Variants in LSM4 observed in about 807,000 individuals in gnomAD.
The protein encoded by LSM4 is LSM4 homolog, U6 small nuclear RNA and mRNA degradation associated, also known as U6 snRNA-associated Sm-like protein LSm4.
A neutral mutation model predicts 22.3 loss-of-function variants in LSM4; 15 were observed. The observed-to-expected ratio is 0.67, with a 90% CI of 0.45 to 1.03. LSM4 has a LOEUF of 1.03. Ranked by LOEUF, LSM4 falls within the 50% of genes least tolerant of loss-of-function variation. LSM4 has a pLI of 0.00. For missense variants in LSM4, 127 were observed against 198.0 expected, an observed-to-expected ratio of 0.64 and a Z score of 2.15; for synonymous variants, 90 against 79.8, an observed-to-expected ratio of 1.13 and a Z score of -0.68.
chr19:18,312,722 G>C lies in LSM4; in HGVS notation c.46-20C>G. ...CACCAACTAGAAGAGAGACAGGCTA[G>C]AGGTTGGCTGTAGCCCTGGAGCCCT... On this transcript the variant is annotated intron_variant, in intron 2 of 4. Transcript: ENST00000593829. 6.3e-7 allele frequency: 1 copy of C among 1,588,200 alleles called. No homozygotes were observed. Among genetic ancestry groups the C allele is most frequent in the Non-Finnish European group, 8.6e-7 (1 of 1,156,650 alleles).
chr19:18,314,278 T>A (rs1204694197), intron 2 of LSM4, among the ~76,000 whole-genome samples: 1 of 151,504 alleles, frequency 6.6e-6, no homozygotes, highest in Non-Finnish European at 1.5e-5. Context: ...CCCAGCACTT[T>A]GGGAGGCCGA....
intron 1 of LSM4, among the ~76,000 whole-genome samples, chr19:18,318,304 C>A (rs1163911888): frequency 6.6e-6 from 1 of 152,218 alleles, no homozygotes; most frequent in Non-Finnish European, 1.5e-5. Flanking sequence ...TCCTACATCC[C>A]ACAGCCCCTT....
intron 1 of LSM4, among the ~76,000 whole-genome samples, chr19:18,320,756 A>G (rs989508773): frequency 6.6e-6 from 1 of 152,192 alleles, no homozygotes; most frequent in Non-Finnish European, 1.5e-5. Flanking sequence ...AGATTACACC[A>G]CTGCACTTCA....
intron 1 of LSM4, among the ~76,000 whole-genome samples, chr19:18,318,021 C>T (rs1466333888): frequency 2.6e-5 from 4 of 152,162 alleles, no homozygotes; most frequent in Non-Finnish European, 5.9e-5. Context: ...TCTAGTACTG[C>T]CATGAGGAAG....
intron 1 of LSM4, among the ~76,000 whole-genome samples, chr19:18,320,563 C>A (rs149068426): frequency 0.018 from 2,742 of 152,214 alleles, 91 homozygotes; most frequent in African/African-American, 0.061. Flanking sequence ...CTTTGAGAGG[C>A]CGAGGTGGGT....
chr19:18,313,995 T>C (rs1970325230), intron 2 of LSM4, among the ~76,000 whole-genome samples: 1 of 152,006 alleles, frequency 6.6e-6, no homozygotes, highest in East Asian at 1.9e-4. Flanking sequence ...AATTTTTTAG[T>C]AGAGACGGGG....
intron 1 of LSM4, among the ~76,000 whole-genome samples, chr19:18,321,395 G>T (rs906797951): frequency 6.6e-6 from 1 of 152,164 alleles, no homozygotes; most frequent in Admixed American, 6.5e-5. Flanking sequence ...GGGAAATTAT[G>T]ACAGTGAAAA....
At chr19:18,312,907 G>A (rs780314251) in intron 2 of LSM4, among the ~76,000 whole-genome samples, 7 of 152,136 alleles carry the variant, frequency 4.6e-5, no homozygotes, top group African/African-American at 1.4e-4. Flanking sequence ...CTATCATGAC[G>A]CCAACCTTTG....
intron 2 of LSM4, among the ~76,000 whole-genome samples, chr19:18,315,692 C>A (rs1970346518): frequency 6.6e-6 from 1 of 151,994 alleles, no homozygotes; most frequent in Non-Finnish European, 1.5e-5. Context: ...TAGGCACACA[C>A]CACCTCATCT....
At chr19:18,322,459 T>G (rs536745349) in intron 1 of LSM4, among the ~76,000 whole-genome samples, 1 of 152,148 alleles carries the variant, frequency 6.6e-6, no homozygotes, top group Admixed American at 6.6e-5. Context: ...AACGCCCCCT[T>G]CCGCTGGAAT....
intron 2 of LSM4, among the ~76,000 whole-genome samples, chr19:18,313,729 T>C (rs1600167623): frequency 6.6e-6 from 1 of 152,230 alleles, no homozygotes; most frequent in African/African-American, 2.4e-5. Context: ...TTGCCCAGAC[T>C]GGTCCCAAAC....
chr19:18,321,848 G>C (rs1418903552), intron 1 of LSM4, among the ~76,000 whole-genome samples: 1 of 151,926 alleles, frequency 6.6e-6, no homozygotes, highest in Non-Finnish European at 1.5e-5. Context: ...CAACACTCCC[G>C]TCGATGACTC....
chr19:18,321,647 C>T (rs1970425229), intron 1 of LSM4, among the ~76,000 whole-genome samples: 1 of 152,206 alleles, frequency 6.6e-6, no homozygotes, highest in Non-Finnish European at 1.5e-5. Flanking sequence ...CAGCCTCTGG[C>T]TGCAAGAGTC....
intron 4 of LSM4, among the ~76,000 whole-genome samples, chr19:18,308,655 C>G (rs1389855325): frequency 6.6e-6 from 1 of 152,194 alleles, no homozygotes; most frequent in African/African-American, 2.4e-5. Context: ...GAACTGGAAT[C>G]ACGGTCTACT....
At chr19:18,312,367 G>C (rs564977742) in intron 3 of LSM4, 217 of 490,350 alleles carry the variant, frequency 4.4e-4, no homozygotes, top group Non-Finnish European at 6.7e-4. Context: ...TCCAGGTCAG[G>C]GGTGGCACCA....
At chr19:18,317,589 C>T (rs1437887079) in intron 1 of LSM4, among the ~76,000 whole-genome samples, 1 of 152,080 alleles carries the variant, frequency 6.6e-6, no homozygotes, top group African/African-American at 2.4e-5. Context: ...CCCCGTGATC[C>T]GCCTGCCTTG....
At chr19:18,321,650 C>T (rs1445765620) in intron 1 of LSM4, among the ~76,000 whole-genome samples, 2 of 152,184 alleles carry the variant, frequency 1.3e-5, no homozygotes, top group African/African-American at 4.8e-5. Context: ...CCTCTGGCTG[C>T]AAGAGTCTGA....
At chr19:18,313,965 G>A (rs544195140) in intron 2 of LSM4, among the ~76,000 whole-genome samples, 7 of 152,138 alleles carry the variant, frequency 4.6e-5, no homozygotes, top group South Asian at 2.1e-4. Context: ...GATTACAGGC[G>A]CCTGCCATCA....
In LSM4 at chr19:18,314,614, A is replaced by C. The variant is rs1251777337; in HGVS notation, c.45+1410T>G. Reference sequence around the variant, plus strand: ...GCCACAGGGTGGATGAACCTCAAAAACACGTTGCTGAGTGACAACCACCAG... The same window carrying C: ...GCCACAGGGTGGATGAACCTCAAAACCACGTTGCTGAGTGACAACCACCAG... On this transcript the variant is annotated intron_variant, in intron 2 of 4. Transcript: ENST00000593829. Among the ~76,000 whole-genome samples the C allele has an allele frequency of 2.0e-5, 3 of 152,084 alleles. No individual in the cohort carries two copies. In the East Asian group the frequency reaches 5.8e-4, roughly 29 times the overall value.
Sources: gnomAD v4.1 joint callset for allele counts (sites outside exome capture counted in the v4.1 genomes callset) on GRCh38, gnomAD v4.1.1 for gene constraint, MANE v1.5 for transcripts, NCBI Gene and HGNC (gene_info 2026-07-23, HGNC 2026-07-21) for gene names.